Variants in PLXNC1 observed in about 807,000 individuals in gnomAD.
The protein encoded by PLXNC1 is plexin-C1.
A neutral mutation model predicts 178.2 loss-of-function variants in PLXNC1; 75 were observed. The observed-to-expected ratio is 0.42, with a 90% CI of 0.35 to 0.51. The LOEUF (loss-of-function observed/expected upper bound fraction) is 0.51, where lower values mean the gene tolerates loss of function less well. PLXNC1 is among the 20% of genes least tolerant of loss of function. The pLI is 0.02. For synonymous variants in PLXNC1, 790 were observed against 779.9 expected (o/e 1.01, Z -0.22); for missense variants, 1,503 against 1,984.4 (o/e 0.76, Z 4.61).
rs77735121 is a variant in PLXNC1, at chr12:94,157,228, A to C, written c.1062+7195A>C. Among the ~76,000 whole-genome samples, 765 of 152,330 alleles carry C rather than the reference A, an allele frequency of 5.0e-3. 7 individuals carry two copies. Among genetic ancestry groups the C allele is most frequent in the African/African-American group, 0.017 (708 of 41,564 alleles). On this transcript the variant is annotated intron_variant, in intron 1 of 30. Coordinates refer to ENST00000258526, the MANE Select transcript of PLXNC1 (RefSeq NM_005761.3). ...GATCAAACATGCAATTGTCCCCAGC[A>C]GGTGCTGCAGGTGGATTCCCTTAGA...
At chr12:94,259,437 ATCAC>A in intron 18 of PLXNC1, 62 bp downstream of exon 18, 1 of 1,297,292 alleles carries the variant, frequency 7.7e-7, no homozygotes, top group East Asian at 2.4e-5. Flanking sequence ...TGTTATCATC[ATCAC>A]TATCATCTCT....
intron 27 of PLXNC1, 92 bp downstream of exon 27, chr12:94,298,887 TTATCTC>T (rs1968192776): frequency 8.2e-7 from 1 of 1,212,224 alleles, no homozygotes; most frequent in Non-Finnish European, 1.2e-6. Context: ...AAGGATTCAT[TTATCTC>T]TATATCAGAA....
chr12:94,177,230 CATATAT>C (rs568262912), intron 2 of PLXNC1, among the ~76,000 whole-genome samples: 12,532 of 97,302 alleles, frequency 0.13, 811 homozygotes, highest in Admixed American at 0.16. Flanking sequence ...TATATATATA[CATATAT>C]ATATATATAT....
Position 94,149,476 on chromosome 12 carries a change from G to A in PLXNC1, c.505G>A (p.Ala169Thr), listed in dbSNP as rs576172182. The change falls in exon 1 of 31, where the codon GCG becomes ACG. Residue 169 changes from alanine to threonine, a missense_variant. Ala to Thr is a moderately conservative substitution (Grantham distance 58). Transcript: ENST00000258526. ...CTCGACGGCCGGCGTGGTGTACCGC[G>A]CGGGCCGGAACAACCGCTGGTACCT... Reference protein sequence around the residue: ...QGSTAGVVYRAGRNNRWYLAV... With the variant: ...QGSTAGVVYRTGRNNRWYLAV... 2.6e-5 allele frequency: 40 copies of A among 1,509,552 alleles called. No homozygotes were observed. The highest frequency in any genetic ancestry group is 3.4e-5 in the Non-Finnish European group (39 of 1,135,488). 93.5% of individuals were successfully genotyped at this position (1,509,552 alleles called of 1,614,324 possible).
intron 2 of PLXNC1, among the ~76,000 whole-genome samples, chr12:94,173,222 C>A (rs1289502510): frequency 2.6e-5 from 4 of 152,210 alleles, no homozygotes. Flanking sequence ...TCTGTAAACA[C>A]ACACCGAGTC....
chr12:94,281,003 A>G (rs1269330134), intron 22 of PLXNC1, among the ~76,000 whole-genome samples: 1 of 152,154 alleles, frequency 6.6e-6, no homozygotes, highest in Non-Finnish European at 1.5e-5. Context: ...ACCAGGCTGG[A>G]CGTGGTGGCT....
In PLXNC1 at chr12:94,164,673, A is replaced by G. The variant is rs1320904658; in HGVS notation, c.1063-4480A>G. 4.9e-5 allele frequency among the ~76,000 whole-genome samples: 5 copies of G among 102,468 alleles called. No homozygotes were observed. In the East Asian group the frequency reaches 1.1e-3, roughly 23 times the overall value. 67.2% of individuals were successfully genotyped at this position (102,468 alleles called of 152,430 possible). On this transcript the variant is annotated intron_variant, in intron 1 of 30. Coordinates refer to ENST00000258526, the MANE Select transcript of PLXNC1 (RefSeq NM_005761.3). Reference sequence around the variant, plus strand: ...CCCATGACTCCCTGCACACACACACACACACACACACACACACACACACAC... The same window carrying G: ...CCCATGACTCCCTGCACACACACACGCACACACACACACACACACACACAC...
chr12:94,149,933 G>C lies in PLXNC1; in HGVS notation c.962G>C (p.Arg321Pro). 1.3e-6 allele frequency: 2 copies of C among 1,586,890 alleles called. No homozygotes were observed. Among genetic ancestry groups the C allele is most frequent in the Non-Finnish European group, 1.7e-6 (2 of 1,167,624 alleles). Residue 321 changes from arginine (R) to proline (P), a missense_variant, in exon 1 of 31, where the codon CGC (arginine) becomes CCC (proline). Arg to Pro is a moderately radical substitution (Grantham distance 103). Coordinates refer to ENST00000258526, the MANE Select transcript of PLXNC1 (RefSeq NM_005761.3). ...SAAAGEGQER[R>P]SPTTTALCLF... The stretch of plus-strand genomic sequence containing the variant: ...GCCGCTGGAGAGGGCCAGGAGCGGC[G>C]CTCCCCCACCACCACGGCGCTCTGC...
At chr12:94,180,051 T>A (rs1251902015) in intron 2 of PLXNC1, among the ~76,000 whole-genome samples, 1 of 152,154 alleles carries the variant, frequency 6.6e-6, no homozygotes, top group Non-Finnish European at 1.5e-5. Context: ...TCCCGATGGC[T>A]CTTCATACCC....
At chr12:94,290,110 A>G (rs1479287737) in intron 23 of PLXNC1, among the ~76,000 whole-genome samples, 1 of 152,224 alleles carries the variant, frequency 6.6e-6, no homozygotes. Flanking sequence ...GTCTGACAGT[A>G]GTGAAGTACT....
chr12:94,291,663 C>A (rs1171373348), intron 23 of PLXNC1, among the ~76,000 whole-genome samples: 2 of 152,186 alleles, frequency 1.3e-5, no homozygotes, highest in African/African-American at 4.8e-5. Context: ...CCCGAAGAAA[C>A]CTTGAATTCA....
At chr12:94,262,506 C>A (rs1333964071) in intron 20 of PLXNC1, 2 of 985,368 alleles carry the variant, frequency 2.0e-6, no homozygotes, top group Non-Finnish European at 2.4e-6. Flanking sequence ...GCAAAGCATT[C>A]TGGGTCAAGA....
At chr12:94,165,513 C>T (rs1345743723) in intron 1 of PLXNC1, among the ~76,000 whole-genome samples, 1 of 152,198 alleles carries the variant, frequency 6.6e-6, no homozygotes, top group Non-Finnish European at 1.5e-5. Flanking sequence ...GGCCAGGGTC[C>T]TCCAGGCTGG....
At chr12:94,205,050 C>T (rs1204693005) in intron 4 of PLXNC1, among the ~76,000 whole-genome samples, 1 of 152,108 alleles carries the variant, frequency 6.6e-6, no homozygotes, top group Non-Finnish European at 1.5e-5. Context: ...AGTTACATTT[C>T]TGAGTTCAGA....
chr12:94,183,451 C>A (rs932537634), intron 3 of PLXNC1, among the ~76,000 whole-genome samples: 1 of 152,170 alleles, frequency 6.6e-6, no homozygotes, highest in East Asian at 1.9e-4. Flanking sequence ...CTTTTGTCTA[C>A]CCAACAAACT....
chr12:94,298,858 A>C (rs1968187429), intron 27 of PLXNC1, 63 bp downstream of exon 27: 4 of 1,367,382 alleles, frequency 2.9e-6, no homozygotes, highest in Non-Finnish European at 2.0e-6. Flanking sequence ...AACTAAAAGA[A>C]AGACATAGAT....
chr12:94,186,447 C>T lies in PLXNC1; in HGVS notation c.1413C>T (p.His471=). 1 of 1,613,418 alleles carries T rather than the reference C, an allele frequency of 6.2e-7. No individual in the cohort carries two copies. ...AGTGTTTAACAGCCACAGACCCTCACTGCGGTTGGTGCCATTCGCTACAAA... is the reference window on the plus strand; with the variant it reads ...AGTGTTTAACAGCCACAGACCCTCATTGCGGTTGGTGCCATTCGCTACAAA... ...CSECLTATDP[H]CGWCHSLQRC... The change falls in exon 4 of 31, where the codon CAC becomes CAT. Residue 471 remains histidine (H), a synonymous_variant. Coordinates refer to ENST00000258526, the MANE Select transcript of PLXNC1 (RefSeq NM_005761.3).
At chr12:94,294,274 C>A (rs181687123) in intron 23 of PLXNC1, among the ~76,000 whole-genome samples, 3 of 152,188 alleles carry the variant, frequency 2.0e-5, no homozygotes, top group African/African-American at 7.2e-5. Flanking sequence ...GCCTCCTCCA[C>A]AGGACCATGA....
In PLXNC1 at chr12:94,234,239, T is replaced by G. The variant is rs542251433; in HGVS notation, c.1981-3425T>G. Among the ~76,000 whole-genome samples, 3 of 152,288 alleles carry G rather than the reference T, an allele frequency of 2.0e-5. No homozygotes were observed. In the East Asian group the frequency reaches 5.8e-4, roughly 29 times the overall value. On this transcript the variant is annotated intron_variant, in intron 9 of 30. Coordinates refer to ENST00000258526, the MANE Select transcript of PLXNC1 (RefSeq NM_005761.3). ...ATTCTTTTCAATCATAGCAGTATTT[T>G]CTCCATTAATGTCATGGTAATTTGA... is the stretch of plus-strand genomic sequence containing the variant.
Sources: gnomAD v4.1 joint callset for allele counts (sites outside exome capture counted in the v4.1 genomes callset) on GRCh38, gnomAD v4.1.1 for gene constraint, MANE v1.5 for transcripts, NCBI Gene and HGNC (gene_info 2026-07-23, HGNC 2026-07-21) for gene names.